Variants in ERCC6L2 observed in about 807,000 individuals in gnomAD.
ERCC6L2 encodes the protein ERCC excision repair 6 like 2, also known as DNA excision repair protein ERCC-6-like 2.
ERCC6L2 carries 77 observed loss-of-function variants against 132.0 expected under a neutral mutation model. That is an observed-to-expected ratio of 0.58 (90% CI 0.49 to 0.71). ERCC6L2 has a LOEUF of 0.71. Among genes scored for constraint, ERCC6L2 ranks in the 30% least tolerant of loss-of-function variants. The pLI is 0.00. For missense variants in ERCC6L2, 1,542 were observed against 1,837.6 expected, an observed-to-expected ratio of 0.84 and a Z score of 2.94; for synonymous variants, 583 against 632.4, an observed-to-expected ratio of 0.92 and a Z score of 1.17.
intron 17 of ERCC6L2, among the ~76,000 whole-genome samples, chr9:95,980,492 A>C (rs916749210): frequency 5.9e-5 from 9 of 152,216 alleles, no homozygotes. Flanking sequence ...GGCTGACTTC[A>C]GTCAGTAATT....
chr9:95,936,974 C>T (rs1289675307), intron 11 of ERCC6L2, among the ~76,000 whole-genome samples: 22 of 152,070 alleles, frequency 1.4e-4, no homozygotes, highest in Admixed American at 1.4e-3. Context: ...CTTTTTATTG[C>T]TCTTAGTATT....
At chr9:95,902,073 G>C (rs1360011614) in intron 3 of ERCC6L2, among the ~76,000 whole-genome samples, 4 of 152,130 alleles carry the variant, frequency 2.6e-5, no homozygotes, top group Non-Finnish European at 5.9e-5. Context: ...ACAAATTAAG[G>C]AGTGGTGGGT....
At chr9:95,942,035 C>G (rs1353235047) in intron 12 of ERCC6L2, among the ~76,000 whole-genome samples, 1 of 152,192 alleles carries the variant, frequency 6.6e-6, no homozygotes, top group African/African-American at 2.4e-5. Flanking sequence ...AAATTCCCCT[C>G]TGACACCCTA....
chr9:96,001,161 C>A (rs945173140), intron 17 of ERCC6L2, among the ~76,000 whole-genome samples: 1 of 152,178 alleles, frequency 6.6e-6, no homozygotes, highest in Admixed American at 6.5e-5. Flanking sequence ...GTGAGTGTTA[C>A]AGCTCATAAA....
In ERCC6L2 at chr9:95,907,963, A is replaced by G. The variant is rs1466496022; in HGVS notation, c.788+692A>G. ...AAGATTATAGAGAGTATTGGAAGGT[A>G]CTTTGAGGATTTTGATCTTTATCCT... On this transcript the variant is annotated intron_variant, in intron 4 of 18. Transcript: ENST00000653738. Among the ~76,000 whole-genome samples the G allele has an allele frequency of 2.6e-5, 4 of 152,090 alleles. No individual in the cohort carries two copies. The South Asian group carries it at 6.2e-4, about 24-fold the overall frequency.
chr9:95,981,213 A>G (rs922773563), intron 17 of ERCC6L2, among the ~76,000 whole-genome samples: 1 of 152,186 alleles, frequency 6.6e-6, no homozygotes, highest in African/African-American at 2.4e-5. Context: ...GAAGTAATAA[A>G]CACCATAATC....
chr9:95,889,972 C>T (rs548936097), intron 2 of ERCC6L2, among the ~76,000 whole-genome samples: 1 of 152,272 alleles, frequency 6.6e-6, no homozygotes, highest in South Asian at 2.1e-4. Flanking sequence ...TCTACATCAG[C>T]CAGTTTGCGC....
At chr9:95,976,395 TG>T (rs576205172) in intron 16 of ERCC6L2, among the ~76,000 whole-genome samples, 226 of 152,306 alleles carry the variant, frequency 1.5e-3, no homozygotes, top group Non-Finnish European at 2.7e-3. Context: ...GCCTTCTTAC[TG>T]TGTCCCCTCT....
At chr9:96,004,434 A>G in intron 17 of ERCC6L2, 86 bp from the exon 18 acceptor site, 1 of 680,662 alleles carries the variant, frequency 1.5e-6, no homozygotes, top group Non-Finnish European at 2.2e-6. Flanking sequence ...TATAAAGAGT[A>G]TTGAGAAAAA....
intron 1 of ERCC6L2, among the ~76,000 whole-genome samples, chr9:95,879,556 C>A (rs564775074): frequency 6.6e-6 from 1 of 152,056 alleles, no homozygotes; most frequent in African/African-American, 2.4e-5. Flanking sequence ...TACAGTGGAT[C>A]GAGGCTTTAG....
chr9:96,023,080 T>C (rs1260582455), downstream of ERCC6L2, among the ~76,000 whole-genome samples: 1 of 151,974 alleles, frequency 6.6e-6, no homozygotes, highest in Non-Finnish European at 1.5e-5. Flanking sequence ...GAGTCAGGGG[T>C]CAGCAGTGGT....
At chr9:95,948,328 G>C (rs1831160004) in intron 12 of ERCC6L2, among the ~76,000 whole-genome samples, 1 of 152,206 alleles carries the variant, frequency 6.6e-6, no homozygotes, top group South Asian at 2.1e-4. Flanking sequence ...AAAGCCTGAT[G>C]ATGTGACTAA....
At chr9:95,909,096 A>G (rs1829218617) in intron 4 of ERCC6L2, among the ~76,000 whole-genome samples, 2 of 152,200 alleles carry the variant, frequency 1.3e-5, no homozygotes, top group South Asian at 2.1e-4. Context: ...TTGTATTAAA[A>G]TCAACTTTAA....
At chr9:95,952,600 C>T (rs1006627396) in intron 12 of ERCC6L2, among the ~76,000 whole-genome samples, 5 of 152,132 alleles carry the variant, frequency 3.3e-5, no homozygotes, top group African/African-American at 7.2e-5. Flanking sequence ...AAGCCAGGCA[C>T]GTTGGCTCGT....
intron 19 of ERCC6L2, among the ~76,000 whole-genome samples, chr9:96,029,532 T>C (rs1834427988): frequency 6.6e-6 from 1 of 152,138 alleles, no homozygotes; most frequent in Non-Finnish European, 1.5e-5. Flanking sequence ...ATGTATGTTG[T>C]ACTCCAACAA....
intron 14 of ERCC6L2, chr9:95,968,712 G>T (rs1336617634): frequency 2.0e-5 from 3 of 151,730 alleles, no homozygotes; most frequent in Non-Finnish European, 4.4e-5. Context: ...CTATATTATG[G>T]TTTCTCTTCA....
rs569133943 is a variant in ERCC6L2, at chr9:96,017,531, G to A, written c.*4328G>A. Among the ~76,000 whole-genome samples the A allele has an allele frequency of 4.1e-4, 63 of 152,300 alleles. No individual in the cohort carries two copies. Among genetic ancestry groups the A allele is most frequent in the Middle Eastern group, 3.4e-3 (1 of 294 alleles). On this transcript the variant is annotated 3_prime_UTR_variant, in exon 19 of 19. Transcript: ENST00000653738. ...CCTCATCAAGAGACTGAATCAGGGGGTCTAGGGCTCAGCACAGGCACCCTT... is the reference window on the plus strand; with the variant it reads ...CCTCATCAAGAGACTGAATCAGGGGATCTAGGGCTCAGCACAGGCACCCTT...
chr9:95,880,160 A>G (rs1435337531), intron 1 of ERCC6L2, among the ~76,000 whole-genome samples: 1 of 152,132 alleles, frequency 6.6e-6, no homozygotes, highest in Non-Finnish European at 1.5e-5. Flanking sequence ...TCTTAAAGTA[A>G]ATATTCAAAA....
chr9:95,904,681 GTTA>G (rs1035519973), intron 3 of ERCC6L2, among the ~76,000 whole-genome samples: 2 of 151,972 alleles, frequency 1.3e-5, no homozygotes, highest in African/African-American at 4.8e-5. Context: ...TAATTGTTAT[GTTA>G]TTATTAATAC....
Sources: allele counts gnomAD v4.1 joint callset (sites outside exome capture counted in the v4.1 genomes callset), GRCh38; gene constraint gnomAD v4.1.1; transcripts MANE v1.5; gene names NCBI Gene and HGNC (gene_info 2026-07-23, HGNC 2026-07-21).